COL23A1: variants seen among roughly 807,000 people sequenced by gnomAD.
COL23A1 encodes collagen type XXIII alpha 1 chain.
In COL23A1, 97 loss-of-function variants were observed where a neutral mutation model predicts 99.3. That is an observed-to-expected ratio of 0.98 (90% CI 0.83 to 1.16). The LOEUF is 1.16. Ranked by LOEUF, COL23A1 falls within the 50% of genes most tolerant of loss-of-function variation. The pLI is 0.00. For synonymous variants in COL23A1, 320 were observed against 308.2 expected (o/e 1.04, Z -0.40); for missense variants, 762 against 757.4 (o/e 1.01, Z -0.07).
intron 2 of COL23A1, among the ~76,000 whole-genome samples, chr5:178,507,200 G>A (rs55710647): frequency 0.015 from 2,223 of 152,196 alleles, 23 homozygotes; most frequent in South Asian, 0.031. Context: ...TCCTCCAGTC[G>A]GCAATATCCT....
At position 178,280,391 on chromosome 5, in the gene COL23A1, C is replaced by T. The variant is rs967774381; in HGVS notation, c.441+7933G>A. ...CTCTCCTGCGTCATCTCCTTGGTTC[C>T]CCCAATAGCTGAAGGGGCCGAGGCT... On this transcript the variant is annotated intron_variant, in intron 5 of 28. Coordinates refer to ENST00000390654, the MANE Select transcript of COL23A1 (RefSeq NM_173465.4). This position sits in a 1 kb window ranked among gnomAD's most constrained non-coding sequence, Gnocchi z 4.9. Among the ~76,000 whole-genome samples, 2 of 152,092 alleles carry T rather than the reference C, an allele frequency of 1.3e-5. No homozygotes were observed. The highest frequency in any genetic ancestry group is 4.8e-5 in the African/African-American group (2 of 41,418).
At chr5:178,312,415 G>T (rs1758746001) in intron 2 of COL23A1, among the ~76,000 whole-genome samples, 1 of 152,152 alleles carries the variant, frequency 6.6e-6, no homozygotes, top group Non-Finnish European at 1.5e-5. Flanking sequence ...ACTGTTGGAG[G>T]CCAGACAAAA....
intron 2 of COL23A1, among the ~76,000 whole-genome samples, chr5:178,536,794 A>G (rs1302318919): frequency 6.6e-6 from 1 of 152,192 alleles, no homozygotes; most frequent in Non-Finnish European, 1.5e-5. Flanking sequence ...GAGGTGGGGC[A>G]TGTGCTGAGG....
In COL23A1 at chr5:178,358,919, G is replaced by C. The variant is rs1762028326; in HGVS notation, c.362-52000C>G. Among the ~76,000 whole-genome samples the C allele has an allele frequency of 3.3e-5, 5 of 152,324 alleles. No individual in the cohort carries two copies. The South Asian group carries it at 1.0e-3, about 32-fold the overall frequency. ...AAAAATAAAGGGAGAAAATGATCCA[G>C]ATTCCATCACCTTTACATGACTGTA... On this transcript the variant is annotated intron_variant, in intron 2 of 28. Coordinates refer to ENST00000390654, the MANE Select transcript of COL23A1 (RefSeq NM_173465.4).
rs1041307771 is a variant in COL23A1, at chr5:178,590,112, G to A, written c.86C>T (p.Thr29Met). The A allele has an allele frequency of 3.2e-6, 4 of 1,252,130 alleles. No homozygotes were observed. Among genetic ancestry groups the A allele is most frequent in the African/African-American group, 3.2e-5 (2 of 63,460 alleles). 77.6% of individuals were successfully genotyped at this position (1,252,130 alleles called of 1,614,324 possible). A position where few individuals can be genotyped will look rare whatever the true frequency, so the allele number is the denominator to read the frequency against. ...AGGGGGGRSA[T>M]TAGSRAVSAL... ...GCTCACCGCCCGGGACCCGGCCGTC[G>A]TCGCCGAGCGCCCTCCGCCGCCGCC... Residue 29 changes from threonine to methionine, a missense_variant, in exon 1 of 29, where the codon ACG becomes ATG. Physicochemically the swap from Thr to Met is moderately conservative, Grantham distance 81. Coordinates refer to ENST00000390654, the MANE Select transcript of COL23A1 (RefSeq NM_173465.4). The surrounding 1 kb of genome is among the most constrained non-coding windows in gnomAD (Gnocchi z 5.7).
chr5:178,515,915 C>T (rs1041298667), intron 2 of COL23A1, among the ~76,000 whole-genome samples: 5 of 152,076 alleles, frequency 3.3e-5, no homozygotes, highest in African/African-American at 7.2e-5. Context: ...GTCCAGTGCT[C>T]GGGGTCACCC....
chr5:178,293,760 C>A (rs1757586485), intron 3 of COL23A1, among the ~76,000 whole-genome samples: 1 of 151,744 alleles, frequency 6.6e-6, no homozygotes. Flanking sequence ...GATCTGAAGG[C>A]TGGAGATGGA....
intron 2 of COL23A1, among the ~76,000 whole-genome samples, chr5:178,360,188 GCA>G (rs751626056): frequency 1.4e-4 from 22 of 152,134 alleles, no homozygotes; most frequent in Non-Finnish European, 2.6e-4. Flanking sequence ...GCCAGACCAA[GCA>G]CAGAGATTTC....
chr5:178,333,246 G>A (rs550081977), intron 2 of COL23A1, among the ~76,000 whole-genome samples: 4 of 152,260 alleles, frequency 2.6e-5, no homozygotes, highest in South Asian at 2.1e-4. Flanking sequence ...GTGAGCCACC[G>A]CGCCCGGCCG....
At chr5:178,393,178 C>T (rs1406862029) in intron 2 of COL23A1, among the ~76,000 whole-genome samples, 1 of 152,158 alleles carries the variant, frequency 6.6e-6, no homozygotes, top group Non-Finnish European at 1.5e-5. Flanking sequence ...GGAGCATTAG[C>T]CTTAAATGGA....
intron 2 of COL23A1, among the ~76,000 whole-genome samples, chr5:178,324,500 G>A (rs904040659): frequency 2.0e-5 from 3 of 152,120 alleles, no homozygotes; most frequent in Non-Finnish European, 4.4e-5. Context: ...CCGCTGCTGC[G>A]TGGGGTGTGC....
rs1756402302 is a variant in COL23A1 at position 178,466,053 on chromosome 5, C to A, written c.361+94629G>T. On this transcript the variant is annotated intron_variant, in intron 2 of 28. Transcript: ENST00000390654. ...CGCCACCTCTTTCCTGAATCCCATCCTGGTGAACGACCCCCATGAATCTCA... is the reference window on the plus strand; with the variant it reads ...CGCCACCTCTTTCCTGAATCCCATCATGGTGAACGACCCCCATGAATCTCA... Among the ~76,000 whole-genome samples, 3 of 152,210 alleles carry A rather than the reference C, an allele frequency of 2.0e-5. No individual in the cohort carries two copies. The South Asian group carries it at 6.2e-4, about 31-fold the overall frequency.
chr5:178,509,039 C>T (rs1246138323), intron 2 of COL23A1, among the ~76,000 whole-genome samples: 4 of 152,088 alleles, frequency 2.6e-5, no homozygotes, highest in African/African-American at 9.7e-5. Context: ...AACACAAGGT[C>T]AAGTACCTTT....
chr5:178,429,833 T>G (rs1325318373), intron 2 of COL23A1, among the ~76,000 whole-genome samples: 2 of 152,168 alleles, frequency 1.3e-5, no homozygotes, highest in Non-Finnish European at 2.9e-5. Flanking sequence ...GGGTCTACAG[T>G]GTGGCCCTAC....
chr5:178,392,295 C>T (rs1230970706), intron 2 of COL23A1, among the ~76,000 whole-genome samples: 1 of 152,110 alleles, frequency 6.6e-6, no homozygotes, highest in Admixed American at 6.6e-5. Flanking sequence ...GCTGAGCCCG[C>T]ACGGACGCAG....
At chr5:178,418,843 C>T (rs554899043) in intron 2 of COL23A1, among the ~76,000 whole-genome samples, 25 of 152,344 alleles carry the variant, frequency 1.6e-4, no homozygotes, top group Middle Eastern at 3.4e-3. Flanking sequence ...GGCCCTGATT[C>T]TGGCAGGACT....
intron 2 of COL23A1, among the ~76,000 whole-genome samples, chr5:178,532,847 C>A (rs1760725948): frequency 6.6e-6 from 1 of 152,168 alleles, no homozygotes. Flanking sequence ...GAGGATGTGG[C>A]AAGAAGGCAG....
chr5:178,238,881 G>T (rs1764246006), intron 28 of COL23A1, among the ~76,000 whole-genome samples, 181 bp from the exon 29 acceptor site: 1 of 152,122 alleles, frequency 6.6e-6, no homozygotes, highest in Non-Finnish European at 1.5e-5. Flanking sequence ...TGCCCTGCCT[G>T]GTCCAGGTGT....
At chr5:178,258,598 C>T (rs888607255) in intron 12 of COL23A1, among the ~76,000 whole-genome samples, 23 of 151,614 alleles carry the variant, frequency 1.5e-4, no homozygotes, top group African/African-American at 2.2e-4. Context: ...GGTTTCACCG[C>T]GTTAGCCAGG....
Sources: gnomAD v4.1 joint callset for allele counts (sites outside exome capture counted in the v4.1 genomes callset) on GRCh38, gnomAD v4.1.1 for gene constraint, Gnocchi (gnomAD v3.1) non-coding constraint, MANE v1.5 for transcripts, NCBI Gene and HGNC (gene_info 2026-07-23, HGNC 2026-07-21) for gene names.